The following IREB2 variants were observed in gnomAD, a reference collection of about 807,000 sequenced individuals.
IREB2 encodes iron responsive element binding protein 2, also known as iron-responsive element-binding protein 2.
Under a neutral mutation model 118.8 loss-of-function variants are expected in IREB2, and 39 were observed. The ratio of observed to expected loss-of-function variants is 0.33; its 90% CI spans 0.25 to 0.43. The LOEUF is 0.43. Among genes scored for constraint, IREB2 ranks in the 20% least tolerant of loss-of-function variants. IREB2 has a pLI of 1.00. For missense variants in IREB2, 900 were observed against 1,147.3 expected (o/e 0.78, Z 3.11); for synonymous variants, 372 against 392.2 (o/e 0.95, Z 0.61).
In IREB2 at chr15:78,466,256, T is replaced by C. The variant is rs779299616; in HGVS notation, c.411-15T>C. The C allele has an allele frequency of 5.7e-6, 9 of 1,572,956 alleles. No individual in the cohort carries two copies. The Admixed American group carries it at 1.4e-4, about 25-fold the overall frequency. On this transcript the variant is annotated splice_polypyrimidine_tract_variant and intron_variant, in intron 4 of 21. Transcript: ENST00000258886. Reference sequence around the variant, plus strand: ...TTTTAAATGGCTTTATTTTGTTTTCTTTTTGGAATGACAGTGCAATACAGA... The same window carrying C: ...TTTTAAATGGCTTTATTTTGTTTTCCTTTTGGAATGACAGTGCAATACAGA...
At chr15:78,444,211 G>A (rs1191892278) in intron 2 of IREB2, among the ~76,000 whole-genome samples, 2 of 152,152 alleles carry the variant, frequency 1.3e-5, no homozygotes, top group African/African-American at 4.8e-5. Context: ...ACTCTCTTAA[G>A]TAGATCTCTG....
intron 11 of IREB2, 33 bp downstream of exon 11, chr15:78,483,467 A>G (rs1019580245): frequency 3.4e-6 from 4 of 1,189,508 alleles, no homozygotes; most frequent in South Asian, 2.4e-5. Context: ...GTGTTTTTCA[A>G]CCCGCTTTGT....
intron 18 of IREB2, among the ~76,000 whole-genome samples, 174 bp downstream of exon 18, chr15:78,490,935 G>T (rs11858836): frequency 6.6e-6 from 1 of 151,528 alleles, no homozygotes; most frequent in African/African-American, 2.4e-5. Context: ...GAGGCGGGGG[G>T]TACCTTCTGT....
intron 10 of IREB2, among the ~76,000 whole-genome samples, chr15:78,480,870 A>G (rs1277405991): frequency 1.4e-5 from 2 of 138,028 alleles, no homozygotes; most frequent in Admixed American, 7.2e-5. Context: ...TTAGCTGGGC[A>G]TGGTGGCATG....
At chr15:78,490,574 A>C (rs760763533) in intron 17 of IREB2, 45 bp from the exon 18 acceptor site, 79 of 1,608,280 alleles carry the variant, frequency 4.9e-5, no homozygotes, top group Non-Finnish European at 6.6e-5. Flanking sequence ...TTATAAACTA[A>C]GAAGTCTTGT....
chr15:78,479,384 A>T (rs919581416), intron 10 of IREB2, among the ~76,000 whole-genome samples: 1 of 148,398 alleles, frequency 6.7e-6, no homozygotes, highest in Admixed American at 6.7e-5. Context: ...TATGAAGTCT[A>T]GTTGTGGTTT....
At chr15:78,470,905 G>A (rs927025960) in intron 6 of IREB2, 1 of 171,622 alleles carries the variant, frequency 5.8e-6, no homozygotes, top group Admixed American at 6.2e-5. Flanking sequence ...ATGTTGGCCA[G>A]GCTGGTCTTG....
At chr15:78,438,605 GC>G (rs2141437046) in intron 1 of IREB2, 1 of 510,582 alleles carries the variant, frequency 2.0e-6, no homozygotes, top group Admixed American at 3.4e-5. Flanking sequence ...GCCTTGACCC[GC>G]ACCCCTCTCT....
At chr15:78,497,410 A>ACATTCATTAAG in intron 21 of IREB2, 99 bp downstream of exon 21, 1 of 858,934 alleles carries the variant, frequency 1.2e-6, no homozygotes, top group Non-Finnish European at 1.8e-6. Flanking sequence ...ATGTCACTTA[A>ACATTCATTAAG]TGAATGTTAA....
At chr15:78,473,420 ATTATTT>A (rs2051413176) in intron 8 of IREB2, 39 bp downstream of exon 8, 2 of 1,563,456 alleles carry the variant, frequency 1.3e-6, no homozygotes, top group Non-Finnish European at 1.7e-6. Context: ...CTTACTGAAC[ATTATTT>A]TTATAAAAAT....
At chr15:78,478,158 C>A in intron 9 of IREB2, 139 bp from the exon 10 acceptor site, 1 of 564,678 alleles carries the variant, frequency 1.8e-6, no homozygotes, top group Non-Finnish European at 3.2e-6. Flanking sequence ...TGCTTGAGCT[C>A]GGGAGGTCAA....
At chr15:78,479,858 C>A (rs563867585) in intron 10 of IREB2, among the ~76,000 whole-genome samples, 1 of 150,210 alleles carries the variant, frequency 6.7e-6, no homozygotes, top group Non-Finnish European at 1.5e-5. Flanking sequence ...GAGGTCAAGG[C>A]TGCAGTGAGC....
intron 9 of IREB2, 138 bp from the exon 10 acceptor site, chr15:78,478,159 G>C (rs959786961): frequency 1.8e-6 from 1 of 569,586 alleles, no homozygotes; most frequent in Non-Finnish European, 3.1e-6. Flanking sequence ...GCTTGAGCTC[G>C]GGAGGTCAAG....
chr15:78,452,219 T>C (rs1322057699), intron 2 of IREB2, among the ~76,000 whole-genome samples: 1 of 152,088 alleles, frequency 6.6e-6, no homozygotes, highest in African/African-American at 2.4e-5. Context: ...GGCATAAACA[T>C]CTGGAAGGAT....
intron 2 of IREB2, among the ~76,000 whole-genome samples, chr15:78,446,209 T>G (rs776170670): frequency 1.3e-5 from 2 of 152,210 alleles, no homozygotes; most frequent in Non-Finnish European, 2.9e-5. Context: ...AAGACTGGGT[T>G]GGGTAAGCAA....
chr15:78,469,816 T>G (rs1000320418), intron 5 of IREB2, among the ~76,000 whole-genome samples: 2 of 152,174 alleles, frequency 1.3e-5, no homozygotes, highest in Non-Finnish European at 1.5e-5. Flanking sequence ...TATATTGATA[T>G]TCTAGTCAAC....
Position 78,448,858 on chromosome 15 carries a change from A to G in IREB2, c.106+8977A>G, listed in dbSNP as rs533706142. Among the ~76,000 whole-genome samples the G allele has an allele frequency of 2.0e-5, 3 of 152,238 alleles. No homozygotes were observed. In the East Asian group the frequency reaches 5.8e-4, roughly 29 times the overall value. ...CTTCAGAGTCTTTCCCCCTTCCTTC[A>G]GGCTGATGGGTTTCTCTGTTACATG... On this transcript the variant is annotated intron_variant, in intron 2 of 21. Transcript: ENST00000258886.
intron 10 of IREB2, among the ~76,000 whole-genome samples, chr15:78,480,841 C>G (rs1479316383): frequency 3.3e-5 from 5 of 150,942 alleles, no homozygotes; most frequent in African/African-American, 9.8e-5. Flanking sequence ...AACCCCATTT[C>G]TACTAAAAAT....
At chr15:78,477,047 G>A (rs2141498744) in intron 9 of IREB2, among the ~76,000 whole-genome samples, 1 of 152,134 alleles carries the variant, frequency 6.6e-6, no homozygotes, top group East Asian at 1.9e-4. Flanking sequence ...CAGTGTGCAG[G>A]CAGATTATTA....
Sources: gnomAD v4.1 joint callset for allele counts (sites outside exome capture counted in the v4.1 genomes callset) on GRCh38, gnomAD v4.1.1 for gene constraint, MANE v1.5 for transcripts, NCBI Gene and HGNC (gene_info 2026-07-23, HGNC 2026-07-21) for gene names.